Variants in HTT observed in about 807,000 individuals in gnomAD.
HTT encodes the protein huntington disease protein.
HTT carries 104 observed loss-of-function variants against 362.3 expected under a neutral mutation model. That is an observed-to-expected ratio of 0.29 (90% confidence interval 0.24 to 0.34). The LOEUF is 0.34. Ranked by LOEUF, HTT falls within the 10% of genes least tolerant of loss-of-function variation. HTT has a pLI of 1.00. For synonymous variants in HTT, 1,577 were observed against 1,548.7 expected, an observed-to-expected ratio of 1.02 and a Z score of -0.43; for missense variants, 3,301 against 3,928.6, an observed-to-expected ratio of 0.84 and a Z score of 4.27.
rs1374178415 is a variant in HTT at position 3,173,124 on chromosome 4, A to G, written c.4159A>G (p.Thr1387Ala). The part of the protein sequence containing the change: ...NMVQAEQEND[T>A]SGWFDVLQKV... ...GGTGCAGGCGGAGCAGGAGAACGACACCTCGGGGTAACAGTTGTGGCAAGA... is the reference window on the plus strand; with the variant it reads ...GGTGCAGGCGGAGCAGGAGAACGACGCCTCGGGGTAACAGTTGTGGCAAGA... Residue 1387 changes from threonine (T) to alanine (A), a missense_variant, in exon 31 of 67, where the codon ACC becomes GCC. Thr to Ala is a moderately conservative substitution (Grantham distance 58). Transcript: ENST00000355072. The G allele has an allele frequency of 1.9e-6, 3 of 1,613,334 alleles. No homozygotes were observed. The highest frequency in any genetic ancestry group is 2.5e-6 in the Non-Finnish European group (3 of 1,179,616).
intron 29 of HTT, among the ~76,000 whole-genome samples, chr4:3,168,594 C>A (rs1717821310): frequency 6.6e-6 from 1 of 152,106 alleles, no homozygotes; most frequent in African/African-American, 2.4e-5. Context: ...ATGTATTATG[C>A]ATTGGATTTT....
In HTT at chr4:3,133,276, G is replaced by C. The variant is rs565358043; in HGVS notation, c.2493+365G>C. Among the ~76,000 whole-genome samples, 3 of 150,688 alleles carry C rather than the reference G, an allele frequency of 2.0e-5. No individual in the cohort carries two copies. In the South Asian group the frequency reaches 6.3e-4, roughly 32 times the overall value. ...AGGTGGAAGGATTGCTTGAGCCCAG[G>C]AGTTCAAGACTATGGGCAACATAGT... On this transcript the variant is annotated intron_variant, in intron 18 of 66. Transcript: ENST00000355072.
chr4:3,098,385 G>A (rs1468758763), intron 2 of HTT, among the ~76,000 whole-genome samples: 3 of 152,198 alleles, frequency 2.0e-5, no homozygotes, highest in Non-Finnish European at 2.9e-5. Context: ...TGGTTTCAGA[G>A]TAGTTAGATT....
In HTT at chr4:3,146,865, T is replaced by A. The variant is rs1477172188; in HGVS notation, c.3212T>A (p.Leu1071Gln). 6.2e-7 allele frequency: 1 copy of A among 1,614,176 alleles called. No individual in the cohort carries two copies. Among genetic ancestry groups the A allele is most frequent in the Non-Finnish European group, 8.5e-7 (1 of 1,179,982 alleles). Reference sequence around the variant, plus strand: ...ACCGTTGGGATGGCCACAATGATTCTGACCCTGCTCTCGTCAGCTTGGTTC... The same window carrying A: ...ACCGTTGGGATGGCCACAATGATTCAGACCCTGCTCTCGTCAGCTTGGTTC... ...SCTVGMATMI[L>Q]TLLSSAWFPL... Residue 1071 changes from leucine to glutamine, a missense_variant, in exon 25 of 67, where the codon CTG (leucine) becomes CAG (glutamine). By Grantham distance (113) the Leu-to-Gln change is moderately radical. Around this residue, in one of 4 missense-constraint regions of HTT, gnomAD observed 2,316 missense variants for 2,658.5 expected, o/e 0.87. Coordinates refer to ENST00000355072, the MANE Select transcript of HTT (RefSeq NM_001388492.1).
In HTT at chr4:3,105,448, A is replaced by C; in HGVS notation, c.608+12A>C. 2.5e-6 allele frequency: 4 copies of C among 1,589,336 alleles called. No homozygotes were observed. Among genetic ancestry groups the C allele is most frequent in the Middle Eastern group, 3.3e-4 (2 of 6,016 alleles). On this transcript the variant is annotated intron_variant, in intron 5 of 66. Transcript: ENST00000355072. ...CCTCAGAAATGCAGGTAAGTTGTACACTCTGGATGTTGGTTTTTGTCGGGG... is the reference window on the plus strand; with the variant it reads ...CCTCAGAAATGCAGGTAAGTTGTACCCTCTGGATGTTGGTTTTTGTCGGGG...
chr4:3,215,254 A>G (rs1483923779), intron 51 of HTT, 43 bp downstream of exon 51: 1 of 1,470,994 alleles, frequency 6.8e-7, no homozygotes, highest in Non-Finnish European at 9.5e-7. Flanking sequence ...TTGTTCCTCC[A>G]GGACTTAAAA....
At position 3,217,749 on chromosome 4, in the gene HTT, A is replaced by AC. The variant is rs1720481797; in HGVS notation, c.7055-14dup. The AC allele has an allele frequency of 6.2e-7, 1 of 1,604,618 alleles. No individual in the cohort carries two copies. The highest frequency in any genetic ancestry group is 8.5e-7 in the Non-Finnish European group (1 of 1,174,050). On this transcript the variant is annotated splice_polypyrimidine_tract_variant and intron_variant, in intron 51 of 66. Coordinates refer to ENST00000355072, the MANE Select transcript of HTT (RefSeq NM_001388492.1). ...GTGTTTTTTAAAAAGTCCTCTCTTA[A>AC]CCGTTGCTTGTTTAGATCCTAAGTA...
intron 61 of HTT, among the ~76,000 whole-genome samples, chr4:3,234,240 G>A (rs1456121378): frequency 6.6e-6 from 1 of 152,248 alleles, no homozygotes; most frequent in African/African-American, 2.4e-5. Flanking sequence ...GCAGGATTTG[G>A]GACATGCTGG....
At chr4:3,090,217 C>T (rs1713426484) in intron 2 of HTT, among the ~76,000 whole-genome samples, 1 of 152,162 alleles carries the variant, frequency 6.6e-6, no homozygotes. Context: ...TTTAAAACTT[C>T]ATGTATATTG....
intron 27 of HTT, among the ~76,000 whole-genome samples, chr4:3,156,294 A>G (rs1479018329): frequency 2.0e-5 from 3 of 151,312 alleles, no homozygotes; most frequent in Non-Finnish European, 2.9e-5. Flanking sequence ...TAATTTTTGT[A>G]TTTTTAGTAG....
At position 3,145,204 on chromosome 4, in the gene HTT, T is replaced by G; in HGVS notation, c.3119T>G (p.Ile1040Ser). The G allele has an allele frequency of 6.2e-7, 1 of 1,613,506 alleles. No individual in the cohort carries two copies. The highest frequency in any genetic ancestry group is 8.5e-7 in the Non-Finnish European group (1 of 1,179,412). The change falls in exon 24 of 67, where the codon ATT (isoleucine) becomes AGT (serine). Residue 1040 changes from isoleucine to serine, a missense_variant. By Grantham distance (142) the Ile-to-Ser change is moderately radical (BLOSUM62 -2). Transcript: ENST00000355072. ...CLLSTAFPVC[I>S]WSLGWHCGVP... Reference sequence around the variant, plus strand: ...CTTTCCACTGCCTTCCCAGTTTGCATTTGGAGTTTAGGTTGGCACTGTGGG... The same window carrying G: ...CTTTCCACTGCCTTCCCAGTTTGCAGTTGGAGTTTAGGTTGGCACTGTGGG...
chr4:3,212,714 G>A lies in HTT; in HGVS notation c.6774+5G>A, dbSNP rs193157701. 8,576 of 1,614,196 alleles carry A rather than the reference G, an allele frequency of 5.3e-3. 36 individuals carry two copies. The highest frequency in any genetic ancestry group is 5.4e-3 in the Non-Finnish European group (6,426 of 1,180,016). ...TTCGTGGTGGCAACCCTTGAGGTAA[G>A]AGGCAGCTCGGGAGCTCAGTGTTGC... On this transcript the variant is annotated splice_donor_5th_base_variant and intron_variant, in intron 49 of 66. Transcript: ENST00000355072.
At chr4:3,078,050 G>A (rs529769928) in intron 1 of HTT, among the ~76,000 whole-genome samples, 1 of 152,310 alleles carries the variant, frequency 6.6e-6, no homozygotes, top group Non-Finnish European at 1.5e-5. Context: ...CAGTTTATGA[G>A]TGTTTGTGCT....
At chr4:3,145,112 G>A (rs776092209) in intron 23 of HTT, 40 bp from the exon 24 acceptor site, 2 of 1,399,174 alleles carry the variant, frequency 1.4e-6, no homozygotes, top group East Asian at 2.3e-5. Context: ...ATAAACCTTT[G>A]TGGTGTTTGG....
chr4:3,110,312 A>G (rs1188781310), intron 6 of HTT, among the ~76,000 whole-genome samples: 1 of 151,986 alleles, frequency 6.6e-6, no homozygotes, highest in African/African-American at 2.4e-5. Context: ...CTTCTTTGTA[A>G]TATGTGTTTA....
At chr4:3,155,859 C>CT (rs1215442562) in intron 27 of HTT, among the ~76,000 whole-genome samples, 1 of 148,960 alleles carries the variant, frequency 6.7e-6, no homozygotes, top group African/African-American at 2.5e-5. Flanking sequence ...GTTCATGCCA[C>CT]TGCACTCTAG....
chr4:3,212,175 A>G (rs1720190739), intron 48 of HTT, 33 bp downstream of exon 48: 1 of 1,515,400 alleles, frequency 6.6e-7, no homozygotes, highest in Admixed American at 1.8e-5. Context: ...TTATTTTTAA[A>G]AAGCATTCCA....
At chr4:3,127,072 G>A (rs954656643) in intron 11 of HTT, among the ~76,000 whole-genome samples, 192 bp from the exon 12 acceptor site, 1 of 152,190 alleles carries the variant, frequency 6.6e-6, no homozygotes, top group Non-Finnish European at 1.5e-5. Flanking sequence ...TTTATAAGGT[G>A]GGTACTGTAG....
At chr4:3,175,883 G>A (rs183955501) in intron 33 of HTT, among the ~76,000 whole-genome samples, 212 of 152,196 alleles carry the variant, frequency 1.4e-3, no homozygotes, top group Non-Finnish European at 2.6e-3. Context: ...CCTTCTAGAC[G>A]TAAATCTGTT....
Sources: gnomAD v4.1 joint callset for allele counts (sites outside exome capture counted in the v4.1 genomes callset) on GRCh38, gnomAD v4.1.1 for gene constraint, gnomAD v4.1.1 regional missense constraint, MANE v1.5 for transcripts, NCBI Gene and HGNC (gene_info 2026-07-23, HGNC 2026-07-21) for gene names.